Variants in MAPK10 observed in about 807,000 individuals in gnomAD.
MAPK10 encodes JNK3 alpha protein kinase.
Under a neutral mutation model 59.3 loss-of-function variants are expected in MAPK10, and 25 were observed. That is an observed-to-expected ratio of 0.42 (90% confidence interval 0.31 to 0.59). The LOEUF (loss-of-function observed/expected upper bound fraction) is 0.59. MAPK10 is among the 20% of genes least tolerant of loss of function. MAPK10 has a pLI of 0.15. For missense variants in MAPK10, 351 were observed against 568.9 expected, an observed-to-expected ratio of 0.62 and a Z score of 3.90; for synonymous variants, 190 against 200.5, an observed-to-expected ratio of 0.95 and a Z score of 0.44.
intron 1 of MAPK10, among the ~76,000 whole-genome samples, chr4:86,542,205 C>T (rs999808356): frequency 1.3e-5 from 2 of 152,080 alleles, no homozygotes; most frequent in African/African-American, 2.4e-5. Flanking sequence ...AGGTATGTCA[C>T]GTCATTGGCC....
At chr4:86,133,096 T>C (rs1208151780) in intron 4 of MAPK10, among the ~76,000 whole-genome samples, 1 of 152,170 alleles carries the variant, frequency 6.6e-6, no homozygotes, top group Non-Finnish European at 1.5e-5. Context: ...ACATTATCAG[T>C]AATGAATTGT....
chr4:86,308,017 G>A (rs542950013), intron 2 of MAPK10, among the ~76,000 whole-genome samples: 1 of 152,198 alleles, frequency 6.6e-6, no homozygotes, highest in South Asian at 2.1e-4. Flanking sequence ...TGAACCAACA[G>A]GTGAATATAA....
intron 9 of MAPK10, chr4:86,089,637 A>G: frequency 5.9e-6 from 1 of 169,422 alleles, no homozygotes; most frequent in Non-Finnish European, 1.3e-5. Context: ...GATAGTGTTA[A>G]TATGCAAATC....
intron 1 of MAPK10, among the ~76,000 whole-genome samples, chr4:86,499,201 G>C (rs776868179): frequency 5.9e-5 from 9 of 152,158 alleles, no homozygotes; most frequent in Non-Finnish European, 1.3e-4. Flanking sequence ...AACACACACA[G>C]AGACACACAC....
rs541937364 is a variant in MAPK10 at position 86,183,589 on chromosome 4, G to A, written c.66+10747C>T. Among the ~76,000 whole-genome samples the A allele has an allele frequency of 6.6e-4, 100 of 152,034 alleles. 1 individual carries two copies. The Middle Eastern group carries it at 0.024, about 36-fold the overall frequency. On this transcript the variant is annotated intron_variant, in intron 3 of 13. Transcript: ENST00000641462. The stretch of plus-strand genomic sequence containing the variant: ...AGTCTTTGCTATTGTGAATAGTGCC[G>A]CAATAAACATACGTGTGCATGTGTC...
intron 1 of MAPK10, among the ~76,000 whole-genome samples, chr4:86,520,701 T>C (rs1554276678): frequency 6.6e-6 from 1 of 152,194 alleles, no homozygotes; most frequent in Non-Finnish European, 1.5e-5. Context: ...TTTTGTCATA[T>C]GAACAGTTAC....
In MAPK10 at chr4:86,194,341, A is replaced by C; in HGVS notation, c.61T>G (p.Cys21Gly). ...TACCTGTAAGGAACACACACCTGAC[A>C]AAAGGCAATTTTCACATCCAATGTT... is the stretch of plus-strand genomic sequence containing the variant. ...EPTLDVKIAF[C>G]QGFDKQVDVS... Residue 21 changes from cysteine to glycine, a missense_variant, in exon 3 of 14, where the codon TGT (cysteine) becomes GGT (glycine). Physicochemically the swap from Cys to Gly is radical, Grantham distance 159. Coordinates refer to ENST00000641462, the MANE Select transcript of MAPK10 (RefSeq NM_138982.4). 1 of 1,613,374 alleles carries C rather than the reference A, an allele frequency of 6.2e-7. No homozygotes were observed. The highest frequency in any genetic ancestry group is 1.7e-5 in the Admixed American group (1 of 60,016).
intron 2 of MAPK10, among the ~76,000 whole-genome samples, chr4:86,272,865 T>A (rs1306896634): frequency 1.3e-5 from 2 of 152,060 alleles, no homozygotes; most frequent in Non-Finnish European, 2.9e-5. Flanking sequence ...AATTACATCA[T>A]CTGCTGCTCT....
At chr4:86,278,919 T>C (rs989220817) in intron 2 of MAPK10, among the ~76,000 whole-genome samples, 17 of 152,112 alleles carry the variant, frequency 1.1e-4, no homozygotes, top group African/African-American at 3.6e-4. Flanking sequence ...ACATGGTAAG[T>C]AAACACAATG....
At chr4:86,563,944 G>C (rs939714299) in intron 1 of MAPK10, among the ~76,000 whole-genome samples, 1 of 152,116 alleles carries the variant, frequency 6.6e-6, no homozygotes, top group African/African-American at 2.4e-5. Context: ...CGATTCTCCT[G>C]CCTCAGCCTC....
At chr4:86,313,458 G>A (rs1264756447) in intron 2 of MAPK10, among the ~76,000 whole-genome samples, 2 of 151,970 alleles carry the variant, frequency 1.3e-5, no homozygotes, top group African/African-American at 2.4e-5. Context: ...GACCAGACAT[G>A]GAAAGATGTT....
At chr4:86,112,303 G>A (rs1487204547) in intron 4 of MAPK10, among the ~76,000 whole-genome samples, 1 of 152,086 alleles carries the variant, frequency 6.6e-6, no homozygotes, top group Non-Finnish European at 1.5e-5. Flanking sequence ...TAGTTGTGAT[G>A]TTAGGGTATC....
In MAPK10 at chr4:86,098,511, G is replaced by T; in HGVS notation, c.802+13C>A. ...CAAAACAGGTAAAGCTGTAGCAAAAGGTACAAGGATACAGTCCCTTCCTGG... is the reference window on the plus strand; with the variant it reads ...CAAAACAGGTAAAGCTGTAGCAAAATGTACAAGGATACAGTCCCTTCCTGG... On this transcript the variant is annotated intron_variant, in intron 9 of 13. Transcript: ENST00000641462. 2 of 1,611,690 alleles carry T rather than the reference G, an allele frequency of 1.2e-6. No homozygotes were observed. Among genetic ancestry groups the T allele is most frequent in the Non-Finnish European group, 1.7e-6 (2 of 1,177,942 alleles).
At chr4:86,424,481 G>A (rs766136100) in intron 1 of MAPK10, among the ~76,000 whole-genome samples, 7 of 152,088 alleles carry the variant, frequency 4.6e-5, no homozygotes, top group Non-Finnish European at 8.8e-5. Context: ...ATGAGCCACC[G>A]TACCTGGCCA....
intron 1 of MAPK10, among the ~76,000 whole-genome samples, chr4:86,376,709 A>C (rs1187312855): frequency 6.6e-6 from 1 of 152,220 alleles, no homozygotes; most frequent in Admixed American, 6.5e-5. Context: ...CTAGCATTAG[A>C]CATGAGAAAC....
At position 86,180,769 on chromosome 4, in the gene MAPK10, G is replaced by T. The variant is rs188165433; in HGVS notation, c.66+13567C>A. Among the ~76,000 whole-genome samples, 841 of 152,118 alleles carry T rather than the reference G, an allele frequency of 5.5e-3. 5 individuals are homozygous for T. The highest frequency in any genetic ancestry group is 0.019 in the African/African-American group (772 of 41,530). ...AAGAACAGGAAGTTAAACACCACAT[G>T]TTCTCATTCATATATGGAAGCTAAA... On this transcript the variant is annotated intron_variant, in intron 3 of 13. Transcript: ENST00000641462.
At chr4:86,383,879 C>T (rs1026726509) in intron 1 of MAPK10, among the ~76,000 whole-genome samples, 1 of 152,180 alleles carries the variant, frequency 6.6e-6, no homozygotes, top group African/African-American at 2.4e-5. Flanking sequence ...AAATGTGTGA[C>T]TAACATGCAT....
At chr4:86,359,263 C>CCTCT (rs367595812) in intron 1 of MAPK10, among the ~76,000 whole-genome samples, 658 of 53,438 alleles carry the variant, frequency 0.012, 18 homozygotes, top group Admixed American at 0.032. Flanking sequence ...TTTTTTTTTT[C>CCTCT]CTCTCTCTCT....
intron 1 of MAPK10, among the ~76,000 whole-genome samples, chr4:86,569,232 A>C (rs1410300737): frequency 6.6e-6 from 1 of 152,214 alleles, no homozygotes; most frequent in Non-Finnish European, 1.5e-5. Context: ...AGAAATGCAA[A>C]TTGAAACCAC....
Sources: gnomAD v4.1 joint callset for allele counts (sites outside exome capture counted in the v4.1 genomes callset) on GRCh38, gnomAD v4.1.1 for gene constraint, MANE v1.5 for transcripts, NCBI Gene and HGNC (gene_info 2026-07-23, HGNC 2026-07-21) for gene names.